Variants in VWC2L observed in about 807,000 individuals in gnomAD.
VWC2L encodes the protein von Willebrand factor C domain-containing protein 2-like.
A neutral mutation model predicts 21.6 loss-of-function variants in VWC2L; 10 were observed. The observed-to-expected ratio is 0.46, with a 90% CI of 0.29 to 0.78. The LOEUF (loss-of-function observed/expected upper bound fraction) is 0.78, where lower values mean the gene tolerates loss of function less well. Among genes scored for constraint, VWC2L ranks in the 30% least tolerant of loss-of-function variants. VWC2L has a pLI of 0.10. For synonymous variants in VWC2L, 96 were observed against 94.3 expected (o/e 1.02, Z -0.10); for missense variants, 209 against 277.1 (o/e 0.75, Z 1.74).
At chr2:214,544,996 C>T (rs1434336563) in intron 3 of VWC2L, among the ~76,000 whole-genome samples, 2 of 152,222 alleles carry the variant, frequency 1.3e-5, no homozygotes, top group Admixed American at 6.5e-5. Context: ...TCACATATTC[C>T]ATACCACTTA....
intron 3 of VWC2L, among the ~76,000 whole-genome samples, chr2:214,454,382 CTAAGTA>C (rs1016685648): frequency 6.6e-6 from 1 of 151,664 alleles, no homozygotes; most frequent in African/African-American, 2.4e-5. Flanking sequence ...TCAGTCTTTC[CTAAGTA>C]TAATTTTATT....
chr2:214,418,379 A>G (rs1320094777), intron 2 of VWC2L, among the ~76,000 whole-genome samples: 1 of 152,196 alleles, frequency 6.6e-6, no homozygotes, highest in Non-Finnish European at 1.5e-5. Flanking sequence ...CCAAGACCAT[A>G]CAGCTGGAAA....
intron 3 of VWC2L, among the ~76,000 whole-genome samples, chr2:214,574,312 G>A (rs1690196386): frequency 6.6e-6 from 1 of 152,190 alleles, no homozygotes; most frequent in Non-Finnish European, 1.5e-5. Flanking sequence ...AAAGGCATAG[G>A]AACTCCACCA....
intron 3 of VWC2L, among the ~76,000 whole-genome samples, chr2:214,542,285 A>C (rs1689641107): frequency 6.6e-6 from 1 of 152,070 alleles, no homozygotes; most frequent in Non-Finnish European, 1.5e-5. Flanking sequence ...TGACATAAAC[A>C]CCTCCAAAAC....
At chr2:214,563,591 TCTA>T (rs1690015234) in intron 3 of VWC2L, among the ~76,000 whole-genome samples, 1 of 125,560 alleles carries the variant, frequency 8.0e-6, no homozygotes, top group Admixed American at 7.7e-5. Flanking sequence ...ATCAAGTGGT[TCTA>T]AATGTGAAGC....
intron 3 of VWC2L, among the ~76,000 whole-genome samples, chr2:214,524,427 G>T (rs1689294306): frequency 6.6e-6 from 1 of 152,168 alleles, no homozygotes; most frequent in South Asian, 2.1e-4. Flanking sequence ...ACGTTCTGAG[G>T]ATTTTTCTCC....
chr2:214,494,227 C>T (rs75953237), intron 3 of VWC2L, among the ~76,000 whole-genome samples: 288 of 152,252 alleles, frequency 1.9e-3, no homozygotes, highest in African/African-American at 6.7e-3. Flanking sequence ...TTCTTTCTTG[C>T]TACAATGCCT....
At chr2:214,507,326 T>C (rs550876211) in intron 3 of VWC2L, among the ~76,000 whole-genome samples, 1 of 152,336 alleles carries the variant, frequency 6.6e-6, no homozygotes, top group Non-Finnish European at 1.5e-5. Flanking sequence ...TCTGAAGTCC[T>C]TTATATTTTA....
At chr2:214,556,014 T>C (rs568889386) in intron 3 of VWC2L, among the ~76,000 whole-genome samples, 82 of 152,326 alleles carry the variant, frequency 5.4e-4, no homozygotes, top group Non-Finnish European at 9.6e-4. Context: ...CCTCCAAGTG[T>C]GTTCACCAGC....
chr2:214,452,236 G>A (rs1032295754), intron 3 of VWC2L, among the ~76,000 whole-genome samples: 2 of 152,150 alleles, frequency 1.3e-5, no homozygotes, highest in South Asian at 4.1e-4. Flanking sequence ...GCTCACTGCA[G>A]CCTCAACCTC....
At chr2:214,474,414 CCTGCCTCCCAGGT>C (rs1412779032) in intron 3 of VWC2L, among the ~76,000 whole-genome samples, 1 of 152,106 alleles carries the variant, frequency 6.6e-6, no homozygotes, top group Non-Finnish European at 1.5e-5. Context: ...ACTTTCTCTG[CCTGCCTCCCAGGT>C]CTGTTGTGAG....
chr2:214,546,714 T>G (rs1689712237), intron 3 of VWC2L, among the ~76,000 whole-genome samples: 1 of 152,054 alleles, frequency 6.6e-6, no homozygotes, highest in African/African-American at 2.4e-5. Flanking sequence ...GAACCTCTAG[T>G]TTTTATAGAA....
chr2:214,541,233 C>T (rs1385073729), intron 3 of VWC2L, among the ~76,000 whole-genome samples: 2 of 152,056 alleles, frequency 1.3e-5, no homozygotes, highest in African/African-American at 4.8e-5. Flanking sequence ...GTTTATTCTT[C>T]ATCCCTTTTA....
At chr2:214,531,545 G>C (rs536432891) in intron 3 of VWC2L, among the ~76,000 whole-genome samples, 1 of 152,080 alleles carries the variant, frequency 6.6e-6, no homozygotes, top group African/African-American at 2.4e-5. Flanking sequence ...TTCAAGTAAA[G>C]TGTTCTGTTT....
intron 3 of VWC2L, among the ~76,000 whole-genome samples, chr2:214,523,944 G>A (rs1689285254): frequency 6.6e-6 from 1 of 152,120 alleles, no homozygotes; most frequent in South Asian, 2.1e-4. Context: ...GTTAATTTCT[G>A]GGGTTTGTTT....
chr2:214,414,569 T>C lies in VWC2L; in HGVS notation c.376T>C (p.Leu126=). 6.2e-7 allele frequency: 1 copy of C among 1,613,010 alleles called. No individual in the cohort carries two copies. The highest frequency in any genetic ancestry group is 8.5e-7 in the Non-Finnish European group (1 of 1,179,546). The change falls in exon 2 of 4, where the codon TTG becomes CTG. Residue 126 remains leucine, a synonymous_variant. Coordinates refer to ENST00000312504, the MANE Select transcript of VWC2L (RefSeq NM_001080500.4). Reference sequence around the variant, plus strand: ...ATATCACGGGAAAAATTACAAAATCTTGGAGGAATTTAAGGTATGCGTTAC... The same window carrying C: ...ATATCACGGGAAAAATTACAAAATCCTGGAGGAATTTAAGGTATGCGTTAC... ...CEYHGKNYKI[L]EEFKPSPCEW... is the part of the protein sequence containing the mutation.
chr2:214,536,190 G>T (rs187541749), intron 3 of VWC2L, among the ~76,000 whole-genome samples: 1 of 152,196 alleles, frequency 6.6e-6, no homozygotes, highest in East Asian at 1.9e-4. Context: ...TTAAAGATTT[G>T]ATTTTTTTTC....
chr2:214,506,814 T>C (rs1208908415), intron 3 of VWC2L, among the ~76,000 whole-genome samples: 2 of 152,102 alleles, frequency 1.3e-5, no homozygotes, highest in East Asian at 3.8e-4. Context: ...GCTGATGAAA[T>C]AAAGACTTGT....
rs929650076 is a variant in VWC2L at position 214,411,676 on chromosome 2, A to G, written c.-191A>G. 6.6e-6 allele frequency: 1 copy of G among 152,198 alleles called. No homozygotes were observed. The highest frequency in any genetic ancestry group is 6.5e-5 in the Admixed American group (1 of 15,276). 9.4% of individuals were successfully genotyped at this position (152,198 alleles called of 1,614,324 possible). A position where few individuals can be genotyped will look rare whatever the true frequency, so the allele number is the denominator to read the frequency against. On this transcript the variant is annotated 5_prime_UTR_variant, in exon 1 of 4. The change abolishes an upstream ATG in the 5' untranslated region. Transcript: ENST00000312504. ...ATTGCCTTTAATTCATGCCTAAAAA[A>G]TGTATTCTTTGGGTAATTAAAGAGG...
Sources: gnomAD v4.1 joint callset for allele counts (sites outside exome capture counted in the v4.1 genomes callset) on GRCh38, gnomAD v4.1.1 for gene constraint, MANE v1.5 for transcripts, NCBI Gene and HGNC (gene_info 2026-07-23, HGNC 2026-07-21) for gene names.